Variants in CSMD1 observed in about 807,000 individuals in gnomAD.
CSMD1 encodes the protein CUB and Sushi multiple domains 1, also known as CUB and sushi domain-containing protein 1.
In CSMD1, 213 loss-of-function variants were observed where a neutral mutation model predicts 417.5. That is an observed-to-expected ratio of 0.51 (90% CI 0.46 to 0.57). CSMD1 has a LOEUF of 0.57. CSMD1 is among the 20% of genes least tolerant of loss of function. CSMD1 has a pLI of 0.00. For synonymous variants in CSMD1, 2,862 were observed against 1,736.8 expected, an observed-to-expected ratio of 1.65 and a Z score of -16.11; for missense variants, 6,923 against 4,529.7, an observed-to-expected ratio of 1.53 and a Z score of -15.17.
At chr8:3,574,916 A>G (rs778961499) in intron 10 of CSMD1, 29 bp downstream of exon 10, 26 of 1,609,564 alleles carry the variant, frequency 1.6e-5, no homozygotes, top group Non-Finnish European at 2.2e-5. Flanking sequence ...TGTGTGCATT[A>G]ACCACAGGGG....
In CSMD1 at chr8:4,788,000, T is replaced by C; in HGVS notation, c.86-150442A>G. ...GAAGCCAACAGAAAGACAAACAGTG[T>C]TATCGGGATCTCAAAGAAGTAACTC... is the stretch of plus-strand genomic sequence containing the variant. On this transcript the variant is annotated intron_variant, in intron 1 of 69. Coordinates refer to ENST00000635120, the MANE Select transcript of CSMD1 (RefSeq NM_033225.6). The C allele has an allele frequency of 6.3e-6, 10 of 1,591,682 alleles. No individual in the cohort carries two copies. In the South Asian group the frequency reaches 1.1e-4, roughly 18 times the overall value.
At chr8:3,029,577 C>A in intron 50 of CSMD1, 64 bp from the exon 51 acceptor site, 2 of 1,407,900 alleles carry the variant, frequency 1.4e-6, no homozygotes, top group Non-Finnish European at 1.9e-6. Flanking sequence ...ACCGTGCTTG[C>A]TTTGGATGGC....
intron 21 of CSMD1, among the ~76,000 whole-genome samples, chr8:3,349,012 C>A (rs1040686828): frequency 2.6e-5 from 4 of 152,182 alleles, no homozygotes; most frequent in African/African-American, 4.8e-5. Context: ...AGAGGTTTGT[C>A]TGTGCCAAGA....
chr8:3,672,420 G>C (rs925861433), intron 7 of CSMD1, among the ~76,000 whole-genome samples: 1 of 152,104 alleles, frequency 6.6e-6, no homozygotes, highest in Non-Finnish European at 1.5e-5. Context: ...AAACAGTCCA[G>C]GGTGTGCTGG....
At chr8:4,613,179 C>A (rs552705507) in intron 2 of CSMD1, among the ~76,000 whole-genome samples, 1 of 152,158 alleles carries the variant, frequency 6.6e-6, no homozygotes, top group Non-Finnish European at 1.5e-5. Context: ...AATTCTAATT[C>A]ATTTAAATAA....
At chr8:3,134,149 C>T (rs1005086065) in intron 41 of CSMD1, among the ~76,000 whole-genome samples, 1 of 151,530 alleles carries the variant, frequency 6.6e-6, no homozygotes, top group Admixed American at 6.6e-5. Flanking sequence ...TCCAGCCTCT[C>T]GACAGAGTGA....
At chr8:3,790,535 A>T (rs910915799) in intron 5 of CSMD1, among the ~76,000 whole-genome samples, 1 of 152,214 alleles carries the variant, frequency 6.6e-6, no homozygotes, top group Non-Finnish European at 1.5e-5. Context: ...GATGGTGATA[A>T]TAACAACAGA....
chr8:4,802,674 C>G (rs1798366669), intron 1 of CSMD1, among the ~76,000 whole-genome samples: 1 of 152,110 alleles, frequency 6.6e-6, no homozygotes, highest in South Asian at 2.1e-4. Flanking sequence ...TGTAATACCT[C>G]ATTAATACTG....
chr8:4,284,165 C>G (rs528728764), intron 3 of CSMD1, among the ~76,000 whole-genome samples: 3 of 152,230 alleles, frequency 2.0e-5, no homozygotes, highest in Admixed American at 1.3e-4. Context: ...GTCAGGAGTT[C>G]CAGACTAGGC....
chr8:3,374,697 G>T lies in CSMD1; in HGVS notation c.2783-5327C>A, dbSNP rs369293585. 8.2e-4 allele frequency among the ~76,000 whole-genome samples: 125 copies of T among 152,228 alleles called. No individual in the cohort carries two copies. In the South Asian group the frequency reaches 0.013, roughly 16 times the overall value. ...TCAGAAGCAACCCTATGGTAGCAGG[G>T]TGCCCCGAGACAGGCTGTCTGCTGA... On this transcript the variant is annotated intron_variant, in intron 18 of 69. Coordinates refer to ENST00000635120, the MANE Select transcript of CSMD1 (RefSeq NM_033225.6).
intron 2 of CSMD1, among the ~76,000 whole-genome samples, chr8:4,595,848 G>T (rs539830517): frequency 6.6e-6 from 1 of 152,022 alleles, no homozygotes; most frequent in African/African-American, 2.4e-5. Context: ...ACACTGACAC[G>T]TCTACATGGA....
chr8:4,285,815 CAGA>C (rs1797028573), intron 3 of CSMD1, among the ~76,000 whole-genome samples: 1 of 152,182 alleles, frequency 6.6e-6, no homozygotes, highest in Non-Finnish European at 1.5e-5. Context: ...TCTAATTTCA[CAGA>C]AGATCATGTG....
chr8:3,389,044 T>G (rs572590664), intron 17 of CSMD1, among the ~76,000 whole-genome samples: 5 of 152,286 alleles, frequency 3.3e-5, no homozygotes, highest in African/African-American at 1.2e-4. Flanking sequence ...GCTGGGTGAA[T>G]GATTTTTGTT....
intron 12 of CSMD1, among the ~76,000 whole-genome samples, chr8:3,446,958 T>C (rs1022504296): frequency 2.6e-5 from 4 of 152,306 alleles, no homozygotes; most frequent in African/African-American, 4.8e-5. Context: ...TGCTCACACA[T>C]AGTGACTTGT....
chr8:4,692,865 G>C (rs1220417048), intron 1 of CSMD1, among the ~76,000 whole-genome samples: 1 of 152,166 alleles, frequency 6.6e-6, no homozygotes, highest in Admixed American at 6.5e-5. Flanking sequence ...TGAGGTGCTA[G>C]ACAAGACTCT....
At chr8:4,664,502 A>C (rs1804796140) in intron 1 of CSMD1, among the ~76,000 whole-genome samples, 1 of 152,152 alleles carries the variant, frequency 6.6e-6, no homozygotes, top group African/African-American at 2.4e-5. Flanking sequence ...TCAAGGCTGC[A>C]GTGAGCCGTG....
At chr8:4,150,736 A>G (rs1001616786) in intron 3 of CSMD1, among the ~76,000 whole-genome samples, 2 of 152,214 alleles carry the variant, frequency 1.3e-5, no homozygotes, top group Admixed American at 1.3e-4. Flanking sequence ...GCAGATTAAA[A>G]AGGAATTTCA....
chr8:4,483,132 A>T (rs1421195755), intron 2 of CSMD1, among the ~76,000 whole-genome samples: 19 of 152,244 alleles, frequency 1.2e-4, no homozygotes, highest in Admixed American at 1.2e-3. Flanking sequence ...CTGGTGGTGG[A>T]TAAGTCTCAT....
chr8:2,956,472 T>C (rs538626584), intron 63 of CSMD1, among the ~76,000 whole-genome samples: 364 of 151,930 alleles, frequency 2.4e-3, no homozygotes, highest in Non-Finnish European at 2.3e-3. Context: ...TTTTTATTTA[T>C]TTTTTGAGTC....
Sources: allele counts gnomAD v4.1 joint callset (sites outside exome capture counted in the v4.1 genomes callset), GRCh38; gene constraint gnomAD v4.1.1; transcripts MANE v1.5; gene names NCBI Gene and HGNC (gene_info 2026-07-23, HGNC 2026-07-21).